Variants in C12orf42 observed in about 807,000 individuals in gnomAD.
C12orf42 encodes the protein chromosome 12 open reading frame 42, also known as uncharacterized protein C12orf42.
Under a neutral mutation model 21.6 loss-of-function variants are expected in C12orf42, and 25 were observed. That is an observed-to-expected ratio of 1.16 (90% CI 0.84 to 1.62). C12orf42 has a LOEUF of 1.62. Among genes scored for constraint, C12orf42 ranks in the 40% most tolerant of loss-of-function variants. The probability of loss-of-function intolerance (pLI) is 0.00; values close to 1 mark genes in which losing one functional copy is unlikely to be tolerated. For synonymous variants in C12orf42, 174 were observed against 175.0 expected, an observed-to-expected ratio of 0.99 and a Z score of 0.05; for missense variants, 483 against 459.3, an observed-to-expected ratio of 1.05 and a Z score of -0.47.
At chr12:103,449,862 G>A (rs903618649) in intron 2 of C12orf42, among the ~76,000 whole-genome samples, 2 of 150,996 alleles carry the variant, frequency 1.3e-5, no homozygotes, top group African/African-American at 4.9e-5. Context: ...AAATTAATGG[G>A]AAGAATGACC....
intron 4 of C12orf42, among the ~76,000 whole-genome samples, chr12:103,289,300 T>C (rs1025858197): frequency 6.6e-6 from 1 of 152,154 alleles, no homozygotes; most frequent in Admixed American, 6.6e-5. Flanking sequence ...ATGTCCATTT[T>C]TGTTTTGGAC....
chr12:103,436,399 A>C (rs1395297049), intron 2 of C12orf42, among the ~76,000 whole-genome samples: 1 of 151,994 alleles, frequency 6.6e-6, no homozygotes, highest in Non-Finnish European at 1.5e-5. Flanking sequence ...TCACACATAA[A>C]AATATTAACT....
intron 3 of C12orf42, chr12:103,396,586 T>A (rs1189001163): frequency 6.6e-6 from 1 of 152,246 alleles, no homozygotes; most frequent in Admixed American, 6.5e-5. Context: ...GCTAGACATT[T>A]GCAATTAAAA....
chr12:103,400,538 C>T (rs1430457294), intron 3 of C12orf42, among the ~76,000 whole-genome samples: 3 of 152,170 alleles, frequency 2.0e-5, no homozygotes, highest in African/African-American at 4.8e-5. Context: ...AATGAAACAC[C>T]ATATTGCAGG....
chr12:103,441,237 A>C (rs923879209), intron 2 of C12orf42, among the ~76,000 whole-genome samples: 7 of 152,168 alleles, frequency 4.6e-5, no homozygotes, highest in Non-Finnish European at 8.8e-5. Context: ...TGGACAGAGA[A>C]GGGGGAGGAA....
At chr12:103,294,579 GGAAGGAAA>G (rs1259315949) in intron 4 of C12orf42, among the ~76,000 whole-genome samples, 40 of 64,968 alleles carry the variant, frequency 6.2e-4, no homozygotes, top group African/African-American at 2.1e-3. Flanking sequence ...AAGGAAGGAA[GGAAGGAAA>G]GAAAGAAAGA....
chr12:103,258,852 T>C (rs1229530742), intron 10 of C12orf42, among the ~76,000 whole-genome samples: 1 of 152,142 alleles, frequency 6.6e-6, no homozygotes, highest in East Asian at 1.9e-4. Flanking sequence ...TTATACTATG[T>C]TCATGGATGG....
In C12orf42 at chr12:103,475,166, C is replaced by T. The variant is rs74429628; in HGVS notation, c.78+3183G>A. Among the ~76,000 whole-genome samples the T allele has an allele frequency of 9.0e-3, 1,376 of 152,284 alleles. 19 individuals carry two copies. The highest frequency in any genetic ancestry group is 0.027 in the African/African-American group (1,112 of 41,548). ...TTTCTATAGAGACAAAAAACAAATG[C>T]CCATGACCCAGGTCACCTCATCCCA... On this transcript the variant is annotated intron_variant, in intron 2 of 5. Coordinates refer to ENST00000548883, the MANE Select transcript of C12orf42 (RefSeq NM_198521.5).
At chr12:103,502,090 C>T in the C12orf42 span, among the ~76,000 whole-genome samples, 9 of 152,156 alleles carry the variant, frequency 5.9e-5, no homozygotes, top group African/African-American at 1.9e-4. Context: ...ATCCTGGAAG[C>T]CACATCACCT....
At chr12:103,067,628 CTAGCAAAATT>C in the C12orf42 span, among the ~76,000 whole-genome samples, 1 of 152,174 alleles carries the variant, frequency 6.6e-6, no homozygotes, top group Non-Finnish European at 1.5e-5. Flanking sequence ...TAGTGATCCA[CTAGCAAAATT>C]TTTGCTTCCT....
the C12orf42 span, chr12:103,168,323 A>G: frequency 3.5e-6 from 1 of 289,722 alleles, no homozygotes; most frequent in Non-Finnish European, 6.8e-6. Flanking sequence ...CTGACATGCT[A>G]CTTGAGCAGA....
the C12orf42 span, among the ~76,000 whole-genome samples, chr12:103,048,509 G>A: frequency 6.0e-4 from 92 of 152,072 alleles, no homozygotes; most frequent in Admixed American, 1.4e-3. Context: ...AAAACCTGGG[G>A]CATGATCTCA....
chr12:103,513,356 A>T, the C12orf42 span, among the ~76,000 whole-genome samples: 28 of 152,316 alleles, frequency 1.8e-4, no homozygotes, highest in African/African-American at 6.0e-4. Context: ...AAGCAGAGCT[A>T]AGAAAAAAAG....
chr12:103,165,997 G>A, the C12orf42 span, among the ~76,000 whole-genome samples: 6 of 151,392 alleles, frequency 4.0e-5, no homozygotes, highest in East Asian at 1.9e-4. Flanking sequence ...CCGAGATCGC[G>A]CCACTGCACT....
upstream of C12orf42, among the ~76,000 whole-genome samples, chr12:103,498,059 A>G (rs1260439088): frequency 6.6e-6 from 1 of 152,196 alleles, no homozygotes; most frequent in Non-Finnish European, 1.5e-5. Context: ...AGAAAGAGAG[A>G]AAACTATTCA....
the C12orf42 span, among the ~76,000 whole-genome samples, chr12:103,117,892 G>C: frequency 1.3e-5 from 2 of 152,120 alleles, no homozygotes; most frequent in African/African-American, 4.8e-5. Context: ...TGAAAACTTA[G>C]GTTCATTCTT....
At chr12:103,242,873 A>C (rs2033818341) in intron 10 of C12orf42, among the ~76,000 whole-genome samples, 1 of 152,206 alleles carries the variant, frequency 6.6e-6, no homozygotes, top group African/African-American at 2.4e-5. Flanking sequence ...CAGTGCATTG[A>C]AAGGAAGTTT....
chr12:103,135,752 C>T, the C12orf42 span, among the ~76,000 whole-genome samples: 2 of 152,120 alleles, frequency 1.3e-5, no homozygotes, highest in Admixed American at 6.5e-5. Flanking sequence ...AATGGTTCAA[C>T]ATATGCAAAT....
At chr12:103,154,884 G>A in the C12orf42 span, among the ~76,000 whole-genome samples, 3 of 152,144 alleles carry the variant, frequency 2.0e-5, no homozygotes, top group African/African-American at 4.8e-5. Context: ...ATTTGCAACT[G>A]TCTACTGGCT....
Sources: allele counts gnomAD v4.1 joint callset (sites outside exome capture counted in the v4.1 genomes callset), GRCh38; gene constraint gnomAD v4.1.1; transcripts MANE v1.5; gene names NCBI Gene and HGNC (gene_info 2026-07-23, HGNC 2026-07-21).